The following ADGB variants were observed in gnomAD, a reference collection of about 807,000 sequenced individuals.
ADGB encodes the protein androglobin.
In ADGB, 172 loss-of-function variants were observed where a neutral mutation model predicts 210.5. The observed-to-expected ratio is 0.82, with a 90% CI of 0.72 to 0.93. ADGB has a LOEUF of 0.93. ADGB is among the 40% of genes least tolerant of loss of function. ADGB has a pLI of 0.00. For missense variants in ADGB, 2,025 were observed against 1,964.8 expected, an observed-to-expected ratio of 1.03 and a Z score of -0.58; for synonymous variants, 658 against 662.7, an observed-to-expected ratio of 0.99 and a Z score of 0.11.
chr6:146,635,317 T>A (rs1775402262), intron 1 of ADGB, 58 bp from the exon 2 acceptor site: 1 of 1,316,264 alleles, frequency 7.6e-7, no homozygotes, highest in Non-Finnish European at 9.9e-7. Flanking sequence ...GTTAATCCAA[T>A]ATTTGATCTC....
chr6:146,638,353 C>T (rs952646202), intron 2 of ADGB, among the ~76,000 whole-genome samples: 4 of 151,696 alleles, frequency 2.6e-5, no homozygotes, highest in Admixed American at 6.6e-5. Context: ...TGGAACCAAC[C>T]CAAATGTCCA....
intron 7 of ADGB, 104 bp from the exon 8 acceptor site, chr6:146,672,116 A>T: frequency 7.5e-7 from 1 of 1,339,780 alleles, no homozygotes; most frequent in Non-Finnish European, 1.0e-6. Flanking sequence ...AATTGAAATT[A>T]TTCATTAAAT....
intron 3 of ADGB, among the ~76,000 whole-genome samples, chr6:146,649,531 C>T (rs1775669374): frequency 6.7e-6 from 1 of 150,166 alleles, no homozygotes; most frequent in African/African-American, 2.5e-5. Context: ...TTCACTCTTG[C>T]CCAGGCTGGA....
intron 12 of ADGB, among the ~76,000 whole-genome samples, chr6:146,699,746 G>A (rs1776462461): frequency 1.2e-5 from 1 of 84,804 alleles, no homozygotes; most frequent in Non-Finnish European, 2.5e-5. Flanking sequence ...GCATATCAGA[G>A]ATTTGTGGGT....
rs754676694 is a variant in ADGB, at chr6:146,752,729, A to C, written c.3550+15A>C. 38 of 1,530,422 alleles carry C rather than the reference A, an allele frequency of 2.5e-5. No individual in the cohort carries two copies. The South Asian group carries it at 4.2e-4, about 17-fold the overall frequency. 94.8% of individuals were successfully genotyped at this position (1,530,422 alleles called of 1,614,324 possible). A position where few individuals can be genotyped will look rare whatever the true frequency, so the allele number is the denominator to read the frequency against. ...GAGCTCCCAGTGTAAGTGTACCTTT[A>C]TGAACAGGATAGTTAGATTCATAAA... On this transcript the variant is annotated intron_variant, in intron 27 of 35. Coordinates refer to ENST00000397944, the MANE Select transcript of ADGB (RefSeq NM_024694.4).
chr6:146,616,306 A>G (rs1230289544), intron 1 of ADGB, among the ~76,000 whole-genome samples: 1 of 145,164 alleles, frequency 6.9e-6, no homozygotes, highest in Admixed American at 6.9e-5. Flanking sequence ...TAAGTTTTCT[A>G]TATATTCTAG....
intron 24 of ADGB, 88 bp downstream of exon 24, chr6:146,740,681 AG>A: frequency 7.4e-7 from 1 of 1,358,454 alleles, no homozygotes; most frequent in East Asian, 2.6e-5. Context: ...TAAAGGTATT[AG>A]CTTCTGGGTT....
intron 5 of ADGB, 66 bp from the exon 6 acceptor site, chr6:146,664,135 A>T (rs1219233225): frequency 7.1e-7 from 1 of 1,413,682 alleles, no homozygotes; most frequent in African/African-American, 1.5e-5. Flanking sequence ...AGCCACGTGC[A>T]ATCATTTACG....
At chr6:146,696,834 T>A (rs1776411063) in intron 12 of ADGB, among the ~76,000 whole-genome samples, 1 of 152,178 alleles carries the variant, frequency 6.6e-6, no homozygotes, top group African/African-American at 2.4e-5. Context: ...GTGTATTTCA[T>A]ATTTAGAAGT....
intron 16 of ADGB, among the ~76,000 whole-genome samples, chr6:146,718,464 C>A (rs1245958170): frequency 6.6e-6 from 1 of 152,084 alleles, no homozygotes; most frequent in African/African-American, 2.4e-5. Flanking sequence ...CATTCTTCCC[C>A]CTACTTACTG....
At chr6:146,782,301 G>C (rs1179304398) in intron 30 of ADGB, 109 bp downstream of exon 30, 1 of 1,111,762 alleles carries the variant, frequency 9.0e-7, no homozygotes, top group African/African-American at 1.6e-5. Context: ...CTTTCTCCCT[G>C]ATTCCAGAAA....
intron 3 of ADGB, among the ~76,000 whole-genome samples, chr6:146,649,925 G>A (rs1394190391): frequency 6.6e-6 from 1 of 152,056 alleles, no homozygotes; most frequent in African/African-American, 2.4e-5. Flanking sequence ...ACAACGAATA[G>A]CACAATACAC....
At chr6:146,683,888 G>T (rs1776189484) in intron 9 of ADGB, among the ~76,000 whole-genome samples, 1 of 152,022 alleles carries the variant, frequency 6.6e-6, no homozygotes, top group Non-Finnish European at 1.5e-5. Context: ...AAATTTTAGG[G>T]AAGACATCAA....
chr6:146,700,829 CAAAT>C (rs1474608003), intron 12 of ADGB, 108 bp from the exon 13 acceptor site: 3 of 1,239,400 alleles, frequency 2.4e-6, no homozygotes, highest in Non-Finnish European at 2.2e-6. Flanking sequence ...ATGAGAATGA[CAAAT>C]AGAACACAAT....
intron 22 of ADGB, among the ~76,000 whole-genome samples, chr6:146,734,785 C>G (rs1777054795): frequency 6.6e-6 from 1 of 152,066 alleles, no homozygotes; most frequent in African/African-American, 2.4e-5. Flanking sequence ...TGGCATGTGC[C>G]TGTAGTCCCA....
intron 8 of ADGB, 66 bp from the exon 9 acceptor site, chr6:146,676,247 C>G (rs1265870017): frequency 7.4e-7 from 1 of 1,358,624 alleles, no homozygotes; most frequent in East Asian, 2.7e-5. Context: ...AAGACAATGA[C>G]TGAATAAGAA....
chr6:146,793,610 A>C (rs1777988007), intron 33 of ADGB, among the ~76,000 whole-genome samples: 1 of 152,210 alleles, frequency 6.6e-6, no homozygotes, highest in Non-Finnish European at 1.5e-5. Flanking sequence ...CCTGGAGGAA[A>C]TAAATTTGAC....
chr6:146,659,568 A>C (rs1241239447), intron 5 of ADGB, among the ~76,000 whole-genome samples: 2 of 152,196 alleles, frequency 1.3e-5, no homozygotes, highest in East Asian at 3.8e-4. Flanking sequence ...ATGACATTTA[A>C]AAATTCTGAT....
chr6:146,611,333 A>G (rs892945390), intron 1 of ADGB, among the ~76,000 whole-genome samples: 4 of 152,146 alleles, frequency 2.6e-5, no homozygotes, highest in Non-Finnish European at 5.9e-5. Context: ...TCAGCTGTCA[A>G]CAAAGGCCAA....
Sources: allele counts gnomAD v4.1 joint callset (sites outside exome capture counted in the v4.1 genomes callset), GRCh38; gene constraint gnomAD v4.1.1; transcripts MANE v1.5; gene names NCBI Gene and HGNC (gene_info 2026-07-23, HGNC 2026-07-21).